Variants in MIER2 observed in about 807,000 individuals in gnomAD.
MIER2 encodes the protein MIER family member 2, also known as mesoderm induction early response protein 2.
In MIER2, 30 loss-of-function variants were observed where a neutral mutation model predicts 67.6. The ratio of observed to expected loss-of-function variants is 0.44; its 90% CI spans 0.33 to 0.60. The LOEUF (loss-of-function observed/expected upper bound fraction) is 0.60, where lower values mean the gene tolerates loss of function less well. MIER2 is among the 20% of genes least tolerant of loss of function. The pLI, the probability that MIER2 is intolerant of heterozygous loss-of-function variation, is 0.02. For missense variants in MIER2, 702 were observed against 745.1 expected, an observed-to-expected ratio of 0.94 and a Z score of 0.67; for synonymous variants, 372 against 312.6, an observed-to-expected ratio of 1.19 and a Z score of -2.00.
intron 2 of MIER2, among the ~76,000 whole-genome samples, chr19:335,362 G>A (rs553592581): frequency 6.6e-6 from 1 of 152,346 alleles, no homozygotes; most frequent in African/African-American, 2.4e-5. Flanking sequence ...GCAGGGCACA[G>A]AGGACCCCCA....
chr19:326,257 G>A (rs1310871537), intron 6 of MIER2, among the ~76,000 whole-genome samples: 5 of 151,590 alleles, frequency 3.3e-5, no homozygotes, highest in Non-Finnish European at 7.4e-5. Context: ...CCACGGTTGG[G>A]ATGCCAGTTT....
Position 308,619 on chromosome 19 carries a change from G to A in MIER2, c.1156C>T (p.Arg386Cys), listed in dbSNP as rs776050344. The A allele has an allele frequency of 2.2e-5, 35 of 1,607,326 alleles. No individual in the cohort carries two copies. Among genetic ancestry groups the A allele is most frequent in the Middle Eastern group, 1.8e-4 (1 of 5,596 alleles). ...LDGSDPDGPG[R>C]PRPEQDTLTG... The stretch of plus-strand genomic sequence containing the variant: ...AGGGTGTCTTGCTCCGGGCGCGGAC[G>A]GCCGGGGCCATCGGGGTCGCTGCCA... The change falls in exon 12 of 14, where the codon CGT becomes TGT. Residue 386 changes from arginine (R) to cysteine (C), a missense_variant. By Grantham distance (180) the Arg-to-Cys change is radical (BLOSUM62 -3). Around this residue, in one of 3 missense-constraint regions of MIER2, gnomAD observed 254 missense variants for 262.8 expected, o/e 0.97. Transcript: ENST00000264819. This position sits in a 1 kb window ranked among gnomAD's most constrained non-coding sequence, Gnocchi z 9.1.
chr19:344,115 A>G, intron 1 of MIER2: 1 of 985,424 alleles, frequency 1.0e-6, no homozygotes, highest in Non-Finnish European at 1.2e-6. Flanking sequence ...AGGCTCCAGA[A>G]GTAACTTCGT....
At chr19:344,319 A>C (rs1972640158) in intron 1 of MIER2, 1 of 984,532 alleles carries the variant, frequency 1.0e-6, no homozygotes, top group African/African-American at 1.8e-5. Flanking sequence ...CGGGATCCCG[A>C]TGGGGAGCGC....
Position 344,212 on chromosome 19 carries a change from G to C in MIER2, c.9+562C>G, listed in dbSNP as rs528543850. ...GACCCACCCACCCTGCGCCCAGTTC[G>C]CGCCAGGCGGGTCCGCGTCGGGAGT... On this transcript the variant is annotated intron_variant, in intron 1 of 13. Transcript: ENST00000264819. The C allele has an allele frequency of 3.8e-5, 37 of 985,290 alleles. No individual in the cohort carries two copies. In the African/African-American group the frequency reaches 6.1e-4, roughly 16 times the overall value. The allele number at this position is 985,290 out of a possible 1,614,324, so 61.0% of individuals were successfully genotyped here. A position where few individuals can be genotyped will look rare whatever the true frequency, so the allele number is the denominator to read the frequency against.
At chr19:337,110 C>A (rs1161680789) in intron 1 of MIER2, among the ~76,000 whole-genome samples, 2 of 152,164 alleles carry the variant, frequency 1.3e-5, no homozygotes, top group Non-Finnish European at 2.9e-5. Context: ...TCCCAAAGTG[C>A]TGGCATTATG....
chr19:334,455 G>T lies in MIER2; in HGVS notation c.188C>A (p.Ala63Asp). 6.2e-7 allele frequency: 1 copy of T among 1,614,158 alleles called. No individual in the cohort carries two copies. The highest frequency in any genetic ancestry group is 8.5e-7 in the Non-Finnish European group (1 of 1,180,018). The change falls in exon 3 of 14, where the codon GCC becomes GAC. Residue 63 changes from alanine to aspartate, a missense_variant. By Grantham distance (126) the Ala-to-Asp change is moderately radical. Coordinates refer to ENST00000264819, the MANE Select transcript of MIER2 (RefSeq NM_017550.3). ...CTTGGGCTTGTCTGGGCACCTCGAG[G>T]CCTCCTCGCACTCCCCCCTAACACT... Reference protein sequence around the residue: ...NYSVRGECEEASRCPDKPKEE... With the variant: ...NYSVRGECEEDSRCPDKPKEE...
rs757823596 is a variant in MIER2, at chr19:306,687, G to A, written c.*3C>T. 6.4e-6 allele frequency: 10 copies of A among 1,558,622 alleles called. No homozygotes were observed. In the East Asian group the frequency reaches 1.9e-4, roughly 30 times the overall value. On this transcript the variant is annotated 3_prime_UTR_variant, in exon 14 of 14. Transcript: ENST00000264819. ...GGCCGCATACGCCGCCCGCGGCCAG[G>A]AGTCAGCAGGTCATCACGTTACAGC...
rs1224845088 is a variant in MIER2, at chr19:306,663, G to T, written c.*27C>A. 1.3e-6 allele frequency: 2 copies of T among 1,552,378 alleles called. No homozygotes were observed. The highest frequency in any genetic ancestry group is 1.7e-6 in the Non-Finnish European group (2 of 1,147,640). On this transcript the variant is annotated 3_prime_UTR_variant, in exon 14 of 14. Transcript: ENST00000264819. Reference sequence around the variant, plus strand: ...AGCGGCAGCGCTAAGTCCAGTCTGGGCCGCATACGCCGCCCGCGGCCAGGA... The same window carrying T: ...AGCGGCAGCGCTAAGTCCAGTCTGGTCCGCATACGCCGCCCGCGGCCAGGA...
At chr19:327,487 A>C (rs533588098) in intron 4 of MIER2, among the ~76,000 whole-genome samples, 1 of 152,354 alleles carries the variant, frequency 6.6e-6, no homozygotes, top group African/African-American at 2.4e-5. Context: ...CACTGGGCAC[A>C]CGCCCGGAGT....
intron 7 of MIER2, among the ~76,000 whole-genome samples, chr19:319,999 A>G (rs1193859143): frequency 6.6e-6 from 1 of 152,190 alleles, no homozygotes; most frequent in Non-Finnish European, 1.5e-5. Context: ...CACAGCGAGC[A>G]TGTAATCACT....
chr19:318,966 A>C (rs186465531), intron 7 of MIER2, among the ~76,000 whole-genome samples: 1 of 150,832 alleles, frequency 6.6e-6, no homozygotes, highest in East Asian at 1.9e-4. Context: ...CTGAGACAGG[A>C]GAATGGCGTG....
intron 2 of MIER2, 22 bp from the exon 3 acceptor site, chr19:334,564 A>G (rs777721654): frequency 6.2e-7 from 1 of 1,610,962 alleles, no homozygotes; most frequent in Admixed American, 1.7e-5. Context: ...AGAGCAGCCC[A>G]GGTGAGCACC....
At chr19:344,519 C>A (rs1228078258) in intron 1 of MIER2, 22 of 378,090 alleles carry the variant, frequency 5.8e-5, no homozygotes, top group Non-Finnish European at 7.9e-5. Flanking sequence ...CCCCGCCCGC[C>A]CCGCGCCGCC....
intron 8 of MIER2, 95 bp downstream of exon 8, chr19:313,397 C>A: frequency 6.5e-7 from 1 of 1,536,976 alleles, no homozygotes; most frequent in African/African-American, 1.4e-5. Flanking sequence ...GCCCTCCCCT[C>A]TGCCCTCCCT....
intron 10 of MIER2, among the ~76,000 whole-genome samples, chr19:309,609 C>T (rs1475191174): frequency 3.5e-5 from 4 of 113,574 alleles, no homozygotes; most frequent in Non-Finnish European, 6.8e-5. Context: ...TTCAGGGAGA[C>T]GAGAAGGGAC....
chr19:307,476 C>T lies in MIER2; in HGVS notation c.1259G>A (p.Gly420Glu), dbSNP rs1205882639. ...GLDEPGVASD[G>E]LPSSEPGPCS... ...CGGCCCTGGCTCCGAGGACGGGAGT[C>T]CATCAGAGGCCACTCCGGGCTCATC... The change falls in exon 13 of 14, where the codon GGA becomes GAA. Residue 420 changes from glycine to glutamate, a missense_variant. Gly to Glu is a moderately conservative substitution (Grantham distance 98). Transcript: ENST00000264819. The T allele has an allele frequency of 6.5e-7, 1 of 1,548,468 alleles. No homozygotes were observed. The highest frequency in any genetic ancestry group is 2.3e-5 in the East Asian group (1 of 44,070).
At chr19:340,185 T>C (rs1972438976) in intron 1 of MIER2, among the ~76,000 whole-genome samples, 1 of 152,160 alleles carries the variant, frequency 6.6e-6, no homozygotes, top group Admixed American at 6.5e-5. Context: ...GGTTCAGTGG[T>C]GCAGTTACAA....
chr19:327,974 A>G lies in MIER2; in HGVS notation c.259T>C (p.Phe87Leu). The G allele has an allele frequency of 6.2e-7, 1 of 1,613,152 alleles. No individual in the cohort carries two copies. The highest frequency in any genetic ancestry group is 8.5e-7 in the Non-Finnish European group (1 of 1,179,548). Residue 87 changes from phenylalanine (F) to leucine (L), a missense_variant, in exon 4 of 14, where the codon TTT (phenylalanine) becomes CTT (leucine). Phe to Leu is a conservative substitution (Grantham distance 22). Transcript: ENST00000264819. ...CCATAGAGCGCAAGCAGCTCATCAA[A>G]GGGCATGTCGTTGCTCTGAGTTGGG... ...DFISQSNDMPFDELLALYGYE... is the reference protein window; with the variant it reads ...DFISQSNDMPLDELLALYGYE...
Sources: gnomAD v4.1 joint callset for allele counts (sites outside exome capture counted in the v4.1 genomes callset) on GRCh38, gnomAD v4.1.1 for gene constraint, gnomAD v4.1.1 regional missense constraint, Gnocchi (gnomAD v3.1) non-coding constraint, MANE v1.5 for transcripts, NCBI Gene and HGNC (gene_info 2026-07-23, HGNC 2026-07-21) for gene names.